The following DGKI variants were observed in gnomAD, a reference collection of about 807,000 sequenced individuals.
DGKI encodes DAG kinase iota.
In DGKI, 55 loss-of-function variants were observed where a neutral mutation model predicts 147.5. The ratio of observed to expected loss-of-function variants is 0.37; its 90% confidence interval spans 0.30 to 0.47. The LOEUF (loss-of-function observed/expected upper bound fraction) is 0.47, where lower values mean the gene tolerates loss of function less well. Among genes scored for constraint, DGKI ranks in the 20% least tolerant of loss-of-function variants. The pLI is 1.00. For synonymous variants in DGKI, 469 were observed against 477.1 expected (o/e 0.98, Z 0.22); for missense variants, 1,007 against 1,323.8 (o/e 0.76, Z 3.71).
At chr7:137,605,420 A>G (rs1471329210) in intron 10 of DGKI, among the ~76,000 whole-genome samples, 1 of 151,690 alleles carries the variant, frequency 6.6e-6, no homozygotes, top group African/African-American at 2.4e-5. Flanking sequence ...AATAAGTCAA[A>G]TCCCAATAAA....
chr7:137,775,061 T>A (rs576421000), intron 1 of DGKI: 7 of 152,190 alleles, frequency 4.6e-5, no homozygotes, highest in African/African-American at 1.4e-4. Flanking sequence ...TATTATTATT[T>A]TTTTTAACAC....
intron 13 of DGKI, among the ~76,000 whole-genome samples, chr7:137,586,550 A>G (rs1416026685): frequency 6.6e-6 from 1 of 152,182 alleles, no homozygotes; most frequent in Non-Finnish European, 1.5e-5. Flanking sequence ...AAGTAAATAA[A>G]TGGCTGTTTA....
chr7:137,571,753 G>A (rs897432726), intron 18 of DGKI, among the ~76,000 whole-genome samples: 3 of 152,046 alleles, frequency 2.0e-5, no homozygotes, highest in Non-Finnish European at 2.9e-5. Context: ...GTGAAGAAGA[G>A]ATGAAATATA....
At chr7:137,564,357 A>AT (rs1264326688) in intron 19 of DGKI, among the ~76,000 whole-genome samples, 3 of 152,154 alleles carry the variant, frequency 2.0e-5, no homozygotes, top group Non-Finnish European at 4.4e-5. Flanking sequence ...AAAAGCTCTA[A>AT]TACAAATTAA....
chr7:137,700,956 A>C (rs1823962238), intron 1 of DGKI, among the ~76,000 whole-genome samples: 1 of 152,132 alleles, frequency 6.6e-6, no homozygotes, highest in South Asian at 2.1e-4. Context: ...TTTAATAGGA[A>C]GTTGGTGGCA....
At chr7:137,647,812 G>A (rs1821882253) in intron 5 of DGKI, among the ~76,000 whole-genome samples, 1 of 152,184 alleles carries the variant, frequency 6.6e-6, no homozygotes, top group Non-Finnish European at 1.5e-5. Flanking sequence ...GAGAACCAGA[G>A]CCAGCTGCCA....
chr7:137,424,759 C>T (rs192182254), intron 28 of DGKI, among the ~76,000 whole-genome samples: 77 of 152,334 alleles, frequency 5.1e-4, no homozygotes, highest in African/African-American at 1.8e-3. Context: ...ATTGGAGGGT[C>T]CTACGCCCAC....
At chr7:137,425,078 G>A (rs1812738305) in intron 28 of DGKI, among the ~76,000 whole-genome samples, 1 of 152,216 alleles carries the variant, frequency 6.6e-6, no homozygotes, top group African/African-American at 2.4e-5. Flanking sequence ...AGAATGGGCA[G>A]ACTTCCTCCT....
chr7:137,391,884 A>G (rs1286791807), intron 32 of DGKI, among the ~76,000 whole-genome samples: 2 of 152,194 alleles, frequency 1.3e-5, no homozygotes, highest in Non-Finnish European at 2.9e-5. Flanking sequence ...CATCTCTCTA[A>G]AAACTAAGCT....
At chr7:137,812,073 A>G (rs1357877644) in intron 1 of DGKI, among the ~76,000 whole-genome samples, 1 of 152,216 alleles carries the variant, frequency 6.6e-6, no homozygotes, top group East Asian at 1.9e-4. Flanking sequence ...TCAAAGTCCA[A>G]CATCTCAAAG....
At chr7:137,508,606 C>T (rs1339606055) in intron 21 of DGKI, among the ~76,000 whole-genome samples, 2 of 152,056 alleles carry the variant, frequency 1.3e-5, no homozygotes, top group Non-Finnish European at 2.9e-5. Context: ...ATTGTAAATC[C>T]TTTCTCTGCC....
intron 14 of DGKI, among the ~76,000 whole-genome samples, chr7:137,584,924 G>A (rs965547799): frequency 6.6e-6 from 1 of 152,090 alleles, no homozygotes; most frequent in Non-Finnish European, 1.5e-5. Flanking sequence ...CTATTAACAT[G>A]AATGATTAAG....
At chr7:137,817,418 A>G (rs757364722) in intron 1 of DGKI, among the ~76,000 whole-genome samples, 1 of 152,240 alleles carries the variant, frequency 6.6e-6, no homozygotes, top group Non-Finnish European at 1.5e-5. Flanking sequence ...ATATATACCT[A>G]TAACTCTCAA....
At chr7:137,465,626 T>C (rs1814623898) in intron 26 of DGKI, among the ~76,000 whole-genome samples, 1 of 152,228 alleles carries the variant, frequency 6.6e-6, no homozygotes, top group Non-Finnish European at 1.5e-5. Flanking sequence ...ACAGAGTTAC[T>C]ACAAACGTAC....
At chr7:137,709,503 T>C (rs1448463387) in intron 1 of DGKI, among the ~76,000 whole-genome samples, 1 of 152,190 alleles carries the variant, frequency 6.6e-6, no homozygotes, top group Non-Finnish European at 1.5e-5. Flanking sequence ...AGGAAAAACA[T>C]CTTTCCAACA....
At chr7:137,797,549 A>G (rs1395457775) in intron 1 of DGKI, among the ~76,000 whole-genome samples, 1 of 152,198 alleles carries the variant, frequency 6.6e-6, no homozygotes, top group East Asian at 1.9e-4. Flanking sequence ...AGAAGGAAAC[A>G]GAGCTGTATA....
chr7:137,808,310 C>A (rs1007649159), intron 1 of DGKI, among the ~76,000 whole-genome samples: 7 of 152,116 alleles, frequency 4.6e-5, no homozygotes, highest in African/African-American at 4.8e-5. Flanking sequence ...CAGACTTAAT[C>A]ATAAAATATT....
At chr7:137,587,256 A>C (rs1237834350) in intron 12 of DGKI, 46 bp from the exon 13 acceptor site, 3 of 1,459,604 alleles carry the variant, frequency 2.1e-6, no homozygotes, top group Non-Finnish European at 2.8e-6. Context: ...AAGATAAATA[A>C]GTTACAAAGA....
rs1796532240 is a variant in DGKI at position 137,781,998 on chromosome 7, TCAGA to T, written c.401+64460_401+64463del. On this transcript the variant is annotated intron_variant, in intron 1 of 32. Coordinates refer to ENST00000614521, the MANE Select transcript of DGKI (RefSeq NM_001321708.2). ...GGCAGGAATAGCTTGCAGCTCCTGC[TCAGA>T]CAGACAGAGCAGCATGTGGAGACTC... 2.0e-5 allele frequency among the ~76,000 whole-genome samples: 3 copies of T among 152,330 alleles called. No individual in the cohort carries two copies. The South Asian group carries it at 6.2e-4, about 32-fold the overall frequency.
Sources: allele counts gnomAD v4.1 joint callset (sites outside exome capture counted in the v4.1 genomes callset), GRCh38; gene constraint gnomAD v4.1.1; transcripts MANE v1.5; gene names NCBI Gene and HGNC (gene_info 2026-07-23, HGNC 2026-07-21).